ARFGAP3: variants seen among roughly 807,000 people sequenced by gnomAD.
ARFGAP3 encodes ADP-ribosylation factor GTPase-activating protein 3.
A neutral mutation model predicts 75.0 loss-of-function variants in ARFGAP3; 72 were observed. The observed-to-expected ratio is 0.96, with a 90% CI of 0.79 to 1.17. The LOEUF (loss-of-function observed/expected upper bound fraction) is 1.17, where lower values mean the gene tolerates loss of function less well. ARFGAP3 is among the 50% of genes most tolerant of loss of function. ARFGAP3 has a pLI of 0.00. For synonymous variants in ARFGAP3, 221 were observed against 217.9 expected (o/e 1.01, Z -0.13); for missense variants, 620 against 626.6 (o/e 0.99, Z 0.11).
intron 7 of ARFGAP3, 111 bp from the exon 8 acceptor site, chr22:42,823,813 A>G (rs1925917642): frequency 8.3e-7 from 1 of 1,211,654 alleles, no homozygotes; most frequent in South Asian, 1.9e-5. Flanking sequence ...AGATGATAAC[A>G]TTTTCCACTT....
At chr22:42,838,347 G>C (rs1425601496) in intron 3 of ARFGAP3, among the ~76,000 whole-genome samples, 1 of 148,072 alleles carries the variant, frequency 6.8e-6, no homozygotes, top group South Asian at 2.1e-4. Context: ...ACCCAGGCTG[G>C]AGTGTAATGG....
At chr22:42,825,962 A>AT (rs1926020838) in intron 7 of ARFGAP3, among the ~76,000 whole-genome samples, 1 of 152,206 alleles carries the variant, frequency 6.6e-6, no homozygotes, top group Non-Finnish European at 1.5e-5. Flanking sequence ...TGAGTAGAGA[A>AT]TAACGTCATT....
At chr22:42,842,943 C>A (rs1258521210) in intron 2 of ARFGAP3, among the ~76,000 whole-genome samples, 2 of 152,086 alleles carry the variant, frequency 1.3e-5, no homozygotes, top group African/African-American at 4.8e-5. Context: ...CTGTATGGGG[C>A]TCTCTTGCTC....
intron 13 of ARFGAP3, 75 bp from the exon 14 acceptor site, chr22:42,807,238 G>C: frequency 6.6e-7 from 1 of 1,511,232 alleles, no homozygotes; most frequent in South Asian, 1.3e-5. Flanking sequence ...TCACTGAAGA[G>C]CTGTCATTTG....
In ARFGAP3 at chr22:42,836,850, A is replaced by G. The variant is rs116333805; in HGVS notation, c.262-1357T>C. Among the ~76,000 whole-genome samples the G allele has an allele frequency of 9.9e-3, 1,512 of 152,328 alleles. 27 individuals are homozygous for G. The highest frequency in any genetic ancestry group is 0.035 in the African/African-American group (1,443 of 41,556). On this transcript the variant is annotated intron_variant, in intron 3 of 15. Coordinates refer to ENST00000263245, the MANE Select transcript of ARFGAP3 (RefSeq NM_014570.5). ...TACACTTTACAGATGGGGAAAATGA[A>G]GCACAGAGAGGTTCAACAACATGCC...
intron 6 of ARFGAP3, among the ~76,000 whole-genome samples, chr22:42,828,788 G>C (rs1003714410): frequency 6.6e-6 from 1 of 150,890 alleles, no homozygotes; most frequent in Non-Finnish European, 1.5e-5. Flanking sequence ...AGGTTCAAGG[G>C]ATTCTCCTGC....
At chr22:42,851,568 G>A (rs1927278401) in intron 1 of ARFGAP3, among the ~76,000 whole-genome samples, 1 of 152,336 alleles carries the variant, frequency 6.6e-6, no homozygotes, top group African/African-American at 2.4e-5. Flanking sequence ...GGGTAGAGGA[G>A]CTAACAAGTG....
At position 42,807,127 on chromosome 22, in the gene ARFGAP3, T is replaced by C. The variant is rs762969196; in HGVS notation, c.1357A>G (p.Ser453Gly). The change falls in exon 14 of 16, where the codon AGT becomes GGT. Residue 453 changes from serine (S) to glycine (G), a missense_variant. Transcript: ENST00000263245. Reference sequence around the variant, plus strand: ...AGATCAGCCGAGCTTATGGAGGAACTTGCCGACAGCCTCTCTAGGCGGGCC... The same window carrying C: ...AGATCAGCCGAGCTTATGGAGGAACCTGCCGACAGCCTCTCTAGGCGGGCC... ...TRARLERLSA[S>G]SSISSADLFE... The C allele has an allele frequency of 6.2e-6, 10 of 1,612,974 alleles. No homozygotes were observed. The South Asian group carries it at 7.7e-5, about 12-fold the overall frequency.
intron 12 of ARFGAP3, 125 bp downstream of exon 12, chr22:42,810,688 G>C: frequency 1.3e-6 from 1 of 788,226 alleles, no homozygotes; most frequent in South Asian, 1.7e-5. Context: ...TAAAGTGCTG[G>C]GATTATGGGA....
chr22:42,825,808 T>C (rs1049598239), intron 7 of ARFGAP3, among the ~76,000 whole-genome samples: 2 of 152,190 alleles, frequency 1.3e-5, no homozygotes, highest in East Asian at 3.8e-4. Flanking sequence ...ATTTTACTTA[T>C]AGGTTATATA....
intron 5 of ARFGAP3, among the ~76,000 whole-genome samples, chr22:42,833,243 C>G (rs1926374882): frequency 6.6e-6 from 1 of 152,136 alleles, no homozygotes; most frequent in Non-Finnish European, 1.5e-5. Context: ...TGAGATAATA[C>G]TACATAAACA....
At chr22:42,830,146 G>T (rs2146558564) in intron 6 of ARFGAP3, among the ~76,000 whole-genome samples, 1 of 152,198 alleles carries the variant, frequency 6.6e-6, no homozygotes, top group East Asian at 1.9e-4. Context: ...TAGAGTCCGG[G>T]TCTCTGTCAC....
In ARFGAP3 at chr22:42,817,264, A is replaced by T; in HGVS notation, c.942T>A (p.Ser314Arg). 1 of 1,601,102 alleles carries T rather than the reference A, an allele frequency of 6.2e-7. No individual in the cohort carries two copies. The change falls in exon 11 of 16, where the codon AGT becomes AGA. Residue 314 changes from serine to arginine, a missense_variant and splice_region_variant. Transcript: ENST00000263245. Reference sequence around the variant, plus strand: ...CTGAAGTCACTGAATGTGAAATAACACTTGAGAAAACAGAAAAATATATAT... The same window carrying T: ...CTGAAGTCACTGAATGTGAAATAACTCTTGAGAAAACAGAAAAATATATAT... ...RLGMGFGNCR[S>R]VISHSVTSDM...
At chr22:42,810,681 A>C in intron 12 of ARFGAP3, 132 bp downstream of exon 12, 1 of 754,160 alleles carries the variant, frequency 1.3e-6, no homozygotes, top group Non-Finnish European at 2.2e-6. Context: ...GGCCTCTTAA[A>C]GTGCTGGGAT....
chr22:42,829,652 A>T (rs969368936), intron 6 of ARFGAP3, among the ~76,000 whole-genome samples: 2 of 152,274 alleles, frequency 1.3e-5, no homozygotes, highest in Non-Finnish European at 2.9e-5. Context: ...AATTGCAAAT[A>T]TAAGTTTATC....
rs180719803 is a variant in ARFGAP3, at chr22:42,817,640, A to G, written c.941+89T>C. On this transcript the variant is annotated intron_variant, in intron 10 of 15. Coordinates refer to ENST00000263245, the MANE Select transcript of ARFGAP3 (RefSeq NM_014570.5). ...TAATGAATAACAAAAAAAAATCTCT[A>G]AAGTTGAAACTAACACAGTCCAAGA... is the stretch of plus-strand genomic sequence containing the variant. The G allele has an allele frequency of 5.5e-5, 61 of 1,099,620 alleles. No homozygotes were observed. In the Admixed American group the frequency reaches 1.2e-3, roughly 22 times the overall value. The allele number at this position is 1,099,620 out of a possible 1,614,324, so 68.1% of individuals were successfully genotyped here.
At position 42,840,936 on chromosome 22, in the gene ARFGAP3, G is replaced by A. The variant is rs1050956720; in HGVS notation, c.261+8C>T. 2.5e-6 allele frequency: 4 copies of A among 1,613,144 alleles called. No homozygotes were observed. The highest frequency in any genetic ancestry group is 2.2e-5 in the South Asian group (2 of 90,910). On this transcript the variant is annotated splice_region_variant and intron_variant, in intron 3 of 15. Coordinates refer to ENST00000263245, the MANE Select transcript of ARFGAP3 (RefSeq NM_014570.5). ...AGAAGGAAAATGACGAGTTTGAGAT[G>A]AACTTACTGCACTAGCGTTTCCTCC... is the stretch of plus-strand genomic sequence containing the variant.
At chr22:42,855,829 G>A (rs942032236) in intron 1 of ARFGAP3, among the ~76,000 whole-genome samples, 10 of 151,764 alleles carry the variant, frequency 6.6e-5, no homozygotes, top group African/African-American at 2.2e-4. Flanking sequence ...ACACCAGCAC[G>A]GGCAACATAG....
intron 6 of ARFGAP3, among the ~76,000 whole-genome samples, chr22:42,830,986 T>C (rs1371706583): frequency 6.6e-6 from 1 of 152,192 alleles, no homozygotes; most frequent in Admixed American, 6.5e-5. Context: ...TAGTCTATTA[T>C]GAATATTTCT....
Sources: gnomAD v4.1 joint callset for allele counts (sites outside exome capture counted in the v4.1 genomes callset) on GRCh38, gnomAD v4.1.1 for gene constraint, MANE v1.5 for transcripts, NCBI Gene and HGNC (gene_info 2026-07-23, HGNC 2026-07-21) for gene names.